The following PPIG variants were observed in gnomAD, a reference collection of about 807,000 sequenced individuals.
PPIG encodes the protein peptidyl-prolyl cis-trans isomerase G.
A neutral mutation model predicts 87.9 loss-of-function variants in PPIG; 26 were observed. The observed-to-expected ratio is 0.30, with a 90% CI of 0.22 to 0.41. The LOEUF is 0.41. PPIG is among the 10% of genes least tolerant of loss of function. The probability of loss-of-function intolerance (pLI) is 1.00; values close to 1 mark genes in which losing one functional copy is unlikely to be tolerated. For missense variants in PPIG, 722 were observed against 879.4 expected, an observed-to-expected ratio of 0.82 and a Z score of 2.26; for synonymous variants, 308 against 276.5, an observed-to-expected ratio of 1.11 and a Z score of -1.13.
intron 1 of PPIG, among the ~76,000 whole-genome samples, chr2:169,592,826 A>G (rs1424681181): frequency 6.6e-6 from 1 of 152,146 alleles, no homozygotes; most frequent in Non-Finnish European, 1.5e-5. Flanking sequence ...TTTTATAATG[A>G]TTAGTAATTA....
chr2:169,591,674 TAAGC>T (rs1350130481), intron 1 of PPIG, among the ~76,000 whole-genome samples: 1 of 152,014 alleles, frequency 6.6e-6, no homozygotes, highest in African/African-American at 2.4e-5. Flanking sequence ...TAACAGCTAA[TAAGC>T]AATAGCTAGA....
intron 9 of PPIG, among the ~76,000 whole-genome samples, chr2:169,628,281 C>T (rs1208798671): frequency 6.6e-6 from 1 of 152,098 alleles, no homozygotes; most frequent in Non-Finnish European, 1.5e-5. Context: ...TGTACCTGTT[C>T]CTTAGAAACA....
intron 1 of PPIG, among the ~76,000 whole-genome samples, chr2:169,585,368 T>A (rs1328202896): frequency 6.7e-6 from 1 of 148,784 alleles, no homozygotes; most frequent in Non-Finnish European, 1.5e-5. Flanking sequence ...TTCAAGTGAT[T>A]CTTCTGCCTC....
intron 9 of PPIG, among the ~76,000 whole-genome samples, chr2:169,617,361 A>G (rs1685632903): frequency 6.6e-6 from 1 of 152,174 alleles, no homozygotes; most frequent in Non-Finnish European, 1.5e-5. Flanking sequence ...TTGGTTCCAT[A>G]TGAAATTTAA....
At chr2:169,589,022 C>T (rs996913339) in intron 1 of PPIG, among the ~76,000 whole-genome samples, 3 of 150,410 alleles carry the variant, frequency 2.0e-5, no homozygotes, top group Non-Finnish European at 4.4e-5. Context: ...GAGTATTAGC[C>T]GTGAGTTCCC....
intron 1 of PPIG, among the ~76,000 whole-genome samples, chr2:169,593,102 T>G (rs1388437196): frequency 1.3e-5 from 2 of 151,028 alleles, no homozygotes; most frequent in African/African-American, 4.9e-5. Flanking sequence ...CACATGTACA[T>G]TATAATGTTA....
intron 9 of PPIG, among the ~76,000 whole-genome samples, chr2:169,621,976 A>G (rs1426576346): frequency 1.3e-5 from 2 of 151,328 alleles, no homozygotes; most frequent in Non-Finnish European, 2.9e-5. Flanking sequence ...AGTCCCTGCT[A>G]CTTGGGAGGC....
Position 169,630,901 on chromosome 2 carries a change from G to A in PPIG, c.675G>A (p.Glu225=), listed in dbSNP as rs1804596. The A allele has an allele frequency of 1.2e-6, 2 of 1,603,818 alleles. No individual in the cohort carries two copies. Among genetic ancestry groups the A allele is most frequent in the Admixed American group, 3.5e-5 (2 of 57,486 alleles). Residue 225 remains glutamate, a synonymous_variant, in exon 10 of 14, where the codon GAG becomes GAA. Coordinates refer to ENST00000260970, the MANE Select transcript of PPIG (RefSeq NM_004792.3). ...DSSDSESATE[E]KSKKRKKKHR... is the part of the protein sequence containing the mutation. ...CTGATTCCGAAAGTGCTACTGAAGA[G>A]AAATCAAAGAAAAGAAAAAAGAAAC...
intron 1 of PPIG, among the ~76,000 whole-genome samples, chr2:169,593,335 C>T (rs188708115): frequency 6.6e-6 from 1 of 152,162 alleles, no homozygotes; most frequent in Non-Finnish European, 1.5e-5. Flanking sequence ...ACTGGAATTA[C>T]AGACACCCAC....
At chr2:169,613,501 C>A (rs1685542488) in intron 7 of PPIG, among the ~76,000 whole-genome samples, 2 of 152,078 alleles carry the variant, frequency 1.3e-5, no homozygotes, top group Admixed American at 1.3e-4. Flanking sequence ...CAAGTAGCAA[C>A]CTTTTTACCT....
chr2:169,622,169 C>T (rs1003266179), intron 9 of PPIG, among the ~76,000 whole-genome samples: 1 of 152,102 alleles, frequency 6.6e-6, no homozygotes, highest in African/African-American at 2.4e-5. Flanking sequence ...GCCTGTAATC[C>T]CAACACCTTG....
At chr2:169,588,586 G>A (rs907006371) in intron 1 of PPIG, among the ~76,000 whole-genome samples, 2 of 152,152 alleles carry the variant, frequency 1.3e-5, no homozygotes, top group Non-Finnish European at 2.9e-5. Flanking sequence ...AGAACTGTGT[G>A]TATATATGTA....
At chr2:169,612,535 C>T (rs899791923) in intron 7 of PPIG, among the ~76,000 whole-genome samples, 5 of 152,040 alleles carry the variant, frequency 3.3e-5, no homozygotes, top group African/African-American at 1.2e-4. Flanking sequence ...AGGCGCCTGT[C>T]ACCACGCCTG....
chr2:169,625,419 G>GGT (rs2105512180), intron 9 of PPIG, among the ~76,000 whole-genome samples: 1 of 152,234 alleles, frequency 6.6e-6, no homozygotes, highest in Admixed American at 6.5e-5. Context: ...TTTGTAATTT[G>GGT]GTAGACACTG....
rs1461685235 is a variant in PPIG at position 169,637,886 on chromosome 2, C to A, written c.*363C>A. The A allele has an allele frequency of 6.3e-6, 1 of 159,376 alleles. No individual in the cohort carries two copies. The highest frequency in any genetic ancestry group is 1.4e-5 in the Non-Finnish European group (1 of 72,936). The allele number at this position is 159,376 out of a possible 1,614,324, so 9.9% of individuals were successfully genotyped here. The stretch of plus-strand genomic sequence containing the variant: ...CATTGTTGCAAAAGCTTGTGTTTCT[C>A]ATGATTAAAGTAACTTTAGAAGCCA... On this transcript the variant is annotated 3_prime_UTR_variant, in exon 14 of 14. Coordinates refer to ENST00000260970, the MANE Select transcript of PPIG (RefSeq NM_004792.3).
At chr2:169,604,306 T>A in intron 4 of PPIG, 45 bp downstream of exon 4, 1 of 919,038 alleles carries the variant, frequency 1.1e-6, no homozygotes, top group Non-Finnish European at 1.6e-6. Flanking sequence ...CTCAGTTGAC[T>A]ATGGCTTGCT....
intron 9 of PPIG, 83 bp downstream of exon 9, chr2:169,614,807 TACTC>T: frequency 7.2e-7 from 1 of 1,392,214 alleles, no homozygotes; most frequent in Non-Finnish European, 9.6e-7. Context: ...ATGAAATTCA[TACTC>T]AAGCTGAAAG....
chr2:169,600,985 C>A (rs1268265862), intron 1 of PPIG, among the ~76,000 whole-genome samples: 1 of 152,098 alleles, frequency 6.6e-6, no homozygotes, highest in African/African-American at 2.4e-5. Context: ...TAGACTCAGT[C>A]CCTTTTGCAG....
At chr2:169,631,576 T>C in intron 10 of PPIG, 190 bp from the exon 11 acceptor site, 1 of 1,358,286 alleles carries the variant, frequency 7.4e-7, no homozygotes. Context: ...ACGTTTTGTT[T>C]TGTTTGTTTT....
Sources: allele counts gnomAD v4.1 joint callset (sites outside exome capture counted in the v4.1 genomes callset), GRCh38; gene constraint gnomAD v4.1.1; transcripts MANE v1.5; gene names NCBI Gene and HGNC (gene_info 2026-07-23, HGNC 2026-07-21).